ATP1A1: variants seen among roughly 807,000 people sequenced by gnomAD.
ATP1A1 encodes sodium/potassium-transporting ATPase subunit alpha-1.
A neutral mutation model predicts 114.8 loss-of-function variants in ATP1A1; 14 were observed. The ratio of observed to expected loss-of-function variants is 0.12; its 90% confidence interval spans 0.08 to 0.19. The LOEUF is 0.19. ATP1A1 is among the 10% of genes least tolerant of loss of function. ATP1A1 has a pLI of 1.00. For missense variants in ATP1A1, 524 were observed against 1,290.7 expected (o/e 0.41, Z 9.10); for synonymous variants, 471 against 466.3 (o/e 1.01, Z -0.13).
In ATP1A1 at chr1:116,393,612, C is replaced by T. The variant is rs574791429; in HGVS notation, c.1549C>T (p.Arg517Cys). Residue 517 changes from arginine (R) to cysteine (C), a missense_variant, in exon 12 of 23, where the codon CGT becomes TGT. Arg to Cys is a radical substitution (Grantham distance 180). Transcript: ENST00000295598. The surrounding 1 kb of genome is among the most constrained non-coding windows in gnomAD (Gnocchi z 5.0). Reference sequence around the variant, plus strand: ...GGGCGCCCCAGAAAGGATCCTAGACCGTTGCAGCTCTATCCTCCTCCACGG... The same window carrying T: ...GGGCGCCCCAGAAAGGATCCTAGACTGTTGCAGCTCTATCCTCCTCCACGG... The part of the protein sequence containing the change: ...MKGAPERILD[R>C]CSSILLHGKE... 16 of 1,614,060 alleles carry T rather than the reference C, an allele frequency of 9.9e-6. No individual in the cohort carries two copies. The highest frequency in any genetic ancestry group is 1.6e-4 in the Middle Eastern group (1 of 6,084).
In ATP1A1 at chr1:116,403,868, C is replaced by T. The variant is rs368714905; in HGVS notation, c.2952-16C>T. The T allele has an allele frequency of 1.9e-6, 3 of 1,602,796 alleles. No individual in the cohort carries two copies. Among genetic ancestry groups the T allele is most frequent in the African/African-American group, 1.3e-5 (1 of 74,486 alleles). On this transcript the variant is annotated splice_polypyrimidine_tract_variant and intron_variant, in intron 21 of 22. Coordinates refer to ENST00000295598, the MANE Select transcript of ATP1A1 (RefSeq NM_000701.8). ...TGTTCGTGTGCATATAAATTGGTAC[C>T]TTACTCTATTTCCAGACCTACCTGG...
Position 116,397,134 on chromosome 1 carries a change from A to G in ATP1A1, c.1973+400A>G, listed in dbSNP as rs1007797423. On this transcript the variant is annotated intron_variant, in intron 14 of 22. Coordinates refer to ENST00000295598, the MANE Select transcript of ATP1A1 (RefSeq NM_000701.8). This position sits in a 1 kb window ranked among gnomAD's most constrained non-coding sequence, Gnocchi z 4.2. ...TCTTGACACTTTCCAGGTCCACACT[A>G]ACAAAATAAAATAAGGAAGGGACAA... Among the ~76,000 whole-genome samples the G allele has an allele frequency of 7.9e-5, 12 of 152,180 alleles. No individual in the cohort carries two copies.
chr1:116,394,795 T>C (rs1199418465), intron 12 of ATP1A1, among the ~76,000 whole-genome samples: 1 of 152,152 alleles, frequency 6.6e-6, no homozygotes, highest in East Asian at 1.9e-4. Context: ...TCATCATCAG[T>C]GGGCAAGTCT....
In ATP1A1 at chr1:116,404,341, C is replaced by T. The variant is rs1653789329; in HGVS notation, c.3044-75C>T. ...CATCATCCTCCGGTTGGTTTTCATCCCTGTTTCCCTCTGTAATGCTGGAGC... is the reference window on the plus strand; with the variant it reads ...CATCATCCTCCGGTTGGTTTTCATCTCTGTTTCCCTCTGTAATGCTGGAGC... On this transcript the variant is annotated intron_variant, in intron 22 of 22. Coordinates refer to ENST00000295598, the MANE Select transcript of ATP1A1 (RefSeq NM_000701.8). The surrounding 1 kb of genome is among the most constrained non-coding windows in gnomAD (Gnocchi z 4.8). 3.8e-6 allele frequency: 6 copies of T among 1,595,746 alleles called. No individual in the cohort carries two copies. Among genetic ancestry groups the T allele is most frequent in the Non-Finnish European group, 5.1e-6 (6 of 1,165,418 alleles).
chr1:116,376,561 T>G (rs1457630055), intron 1 of ATP1A1, among the ~76,000 whole-genome samples: 3 of 152,210 alleles, frequency 2.0e-5, no homozygotes, highest in African/African-American at 7.2e-5. Flanking sequence ...GTTCAGCGTG[T>G]AACAGTTCCC....
At position 116,399,069 on chromosome 1, in the gene ATP1A1, C is replaced by T; in HGVS notation, c.2433C>T (p.Asp811=). 4 of 1,614,176 alleles carry T rather than the reference C, an allele frequency of 2.5e-6. No individual in the cohort carries two copies. Among genetic ancestry groups the T allele is most frequent in the Non-Finnish European group, 3.4e-6 (4 of 1,180,038 alleles). ...PLGTVTILCI[D]LGTDMVPAIS... The stretch of plus-strand genomic sequence containing the variant: ...GGACTGTCACCATCCTCTGCATTGA[C>T]TTGGGCACTGACATGGTGAGTGTCA... Residue 811 remains aspartate (D), a synonymous_variant, in exon 17 of 23, where the codon GAC becomes GAT. Transcript: ENST00000295598. This position sits in a 1 kb window ranked among gnomAD's most constrained non-coding sequence, Gnocchi z 5.0.
intron 21 of ATP1A1, chr1:116,402,183 C>T (rs1481515143): frequency 6.5e-6 from 1 of 153,174 alleles, no homozygotes; most frequent in African/African-American, 2.4e-5. Context: ...TACTGCTAGT[C>T]TTTGGCCTTA....
chr1:116,397,997 C>T lies in ATP1A1; in HGVS notation c.2083C>T (p.Pro695Ser), dbSNP rs1653081625. The T allele has an allele frequency of 6.2e-7, 1 of 1,613,942 alleles. No individual in the cohort carries two copies. The highest frequency in any genetic ancestry group is 1.3e-5 in the African/African-American group (1 of 74,862). The change falls in exon 15 of 23, where the codon CCT (proline) becomes TCT (serine). Residue 695 changes from proline (P) to serine (S), a missense_variant. By Grantham distance (74) the Pro-to-Ser change is moderately conservative. This residue lies in a region of ATP1A1 where 47 missense variants were observed against 79.8 expected (regional missense o/e 0.59). Transcript: ENST00000295598. This position sits in a 1 kb window ranked among gnomAD's most constrained non-coding sequence, Gnocchi z 4.2. Reference protein sequence around the residue: ...HTEIVFARTSPQQKLIIVEGC... With the variant: ...HTEIVFARTSSQQKLIIVEGC... ...TGAGATAGTGTTTGCCAGGACCTCC[C>T]CTCAGCAGAAGCTCATCATTGTGGA...
intron 1 of ATP1A1, among the ~76,000 whole-genome samples, chr1:116,379,019 A>G (rs1651555534): frequency 1.3e-5 from 2 of 152,264 alleles, no homozygotes; most frequent in East Asian, 1.9e-4. Flanking sequence ...AAGCAAAAAT[A>G]TATCTAAAGT....
In ATP1A1 at chr1:116,388,753, T is replaced by C; in HGVS notation, c.617T>C (p.Ile206Thr). 6.2e-7 allele frequency: 1 copy of C among 1,614,200 alleles called. No homozygotes were observed. The highest frequency in any genetic ancestry group is 8.5e-7 in the Non-Finnish European group (1 of 1,180,044). Residue 206 changes from isoleucine (I) to threonine (T), a missense_variant, in exon 6 of 23, where the codon ATA becomes ACA. Transcript: ENST00000295598. This position sits in a 1 kb window ranked among gnomAD's most constrained non-coding sequence, Gnocchi z 5.6. ...CGAATTCCTGCTGACCTCAGAATCA[T>C]ATCTGCAAATGGCTGCAAGGTAGCT... is the stretch of plus-strand genomic sequence containing the variant. ...GDRIPADLRI[I>T]SANGCKVDNS... is the part of the protein sequence containing the mutation.
chr1:116,399,107 A>G lies in ATP1A1; in HGVS notation c.2448+23A>G, dbSNP rs1653205551. 1.9e-6 allele frequency: 3 copies of G among 1,613,890 alleles called. 1 individual carries two copies. In the South Asian group the frequency reaches 3.3e-5, roughly 18 times the overall value. On this transcript the variant is annotated intron_variant, in intron 17 of 22. Transcript: ENST00000295598. This position sits in a 1 kb window ranked among gnomAD's most constrained non-coding sequence, Gnocchi z 5.0. The stretch of plus-strand genomic sequence containing the variant: ...ATGGTGAGTGTCACAACAGTCACAG[A>G]TCGATAGTAGTGAGGTGTGAGCTGT...
intron 13 of ATP1A1, 49 bp from the exon 14 acceptor site, chr1:116,396,548 AG>A (rs757580078): frequency 1.2e-6 from 2 of 1,606,618 alleles, no homozygotes; most frequent in Middle Eastern, 1.7e-4. Flanking sequence ...TAAGACTTTA[AG>A]GTCATTTACT....
rs1653449695 is a variant in ATP1A1, at chr1:116,401,237, T to C, written c.2826T>C (p.Asn942=). 6.2e-7 allele frequency: 1 copy of C among 1,614,082 alleles called. No individual in the cohort carries two copies. Among genetic ancestry groups the C allele is most frequent in the Admixed American group, 1.7e-5 (1 of 60,010 alleles). Residue 942 remains asparagine, a synonymous_variant, in exon 20 of 23, where the codon AAT becomes AAC. Coordinates refer to ENST00000295598, the MANE Select transcript of ATP1A1 (RefSeq NM_000701.8). The surrounding 1 kb of genome is among the most constrained non-coding windows in gnomAD (Gnocchi z 4.7). ...TGGTCATCTGTAAGACCAGGAGGAA[T>C]TCGGTCTTCCAGCAGGGGATGAAGT... ...ADLVICKTRR[N]SVFQQGMKNK...
At chr1:116,386,876 T>C (rs945619462) in intron 3 of ATP1A1, among the ~76,000 whole-genome samples, 3 of 152,166 alleles carry the variant, frequency 2.0e-5, no homozygotes, top group Admixed American at 6.5e-5. Context: ...GGGTTTTTTT[T>C]CCCCTCCCGA....
At position 116,384,632 on chromosome 1, in the gene ATP1A1, C is replaced by T. The variant is rs371664897; in HGVS notation, c.124-151C>T. Reference sequence around the variant, plus strand: ...ACTGTGTGGTTGCAAAGCCACAAAGCGATGGTGAAAATTGTACCAACTTAT... The same window carrying T: ...ACTGTGTGGTTGCAAAGCCACAAAGTGATGGTGAAAATTGTACCAACTTAT... On this transcript the variant is annotated intron_variant, in intron 2 of 22. Coordinates refer to ENST00000295598, the MANE Select transcript of ATP1A1 (RefSeq NM_000701.8). This position sits in a 1 kb window ranked among gnomAD's most constrained non-coding sequence, Gnocchi z 5.1. 4.3e-5 allele frequency: 28 copies of T among 647,222 alleles called. No homozygotes were observed. Among genetic ancestry groups the T allele is most frequent in the East Asian group, 4.3e-4 (14 of 32,768 alleles). The allele number at this position is 647,222 out of a possible 1,614,324, so 40.1% of individuals were successfully genotyped here. A position where few individuals can be genotyped will look rare whatever the true frequency, so the allele number is the denominator to read the frequency against.
Position 116,385,922 on chromosome 1 carries a change from T to A in ATP1A1, c.183+1080T>A, listed in dbSNP as rs1652045136. 1 of 151,138 alleles carries A rather than the reference T, an allele frequency of 6.6e-6. No individual in the cohort carries two copies. The highest frequency in any genetic ancestry group is 1.5e-5 in the Non-Finnish European group (1 of 67,928). 9.4% of individuals were successfully genotyped at this position (151,138 alleles called of 1,614,324 possible). A position where few individuals can be genotyped will look rare whatever the true frequency, so the allele number is the denominator to read the frequency against. Reference sequence around the variant, plus strand: ...CTGGTGGATCACCTGAGGTCAGGAGTTCGACACCAGCCTGACCAACATGGA... The same window carrying A: ...CTGGTGGATCACCTGAGGTCAGGAGATCGACACCAGCCTGACCAACATGGA... On this transcript the variant is annotated intron_variant, in intron 3 of 22. Coordinates refer to ENST00000295598, the MANE Select transcript of ATP1A1 (RefSeq NM_000701.8). The surrounding 1 kb of genome is among the most constrained non-coding windows in gnomAD (Gnocchi z 4.3).
chr1:116,391,595 GTAT>G, intron 10 of ATP1A1, among the ~76,000 whole-genome samples: 1 of 152,204 alleles, frequency 6.6e-6, no homozygotes, highest in Non-Finnish European at 1.5e-5. Flanking sequence ...GTAGTTGTGG[GTAT>G]AAACTAAGTT....
At chr1:116,402,784 C>T (rs1653609581) in intron 21 of ATP1A1, among the ~76,000 whole-genome samples, 1 of 152,232 alleles carries the variant, frequency 6.6e-6, no homozygotes. Flanking sequence ...TGGAGCTTGT[C>T]CCTCCAGGGC....
Position 116,388,538 on chromosome 1 carries a change from A to T in ATP1A1, c.502-100A>T. The T allele has an allele frequency of 7.0e-7, 1 of 1,436,174 alleles. No homozygotes were observed. Among genetic ancestry groups the T allele is most frequent in the Non-Finnish European group, 9.4e-7 (1 of 1,058,756 alleles). The allele number at this position is 1,436,174 out of a possible 1,614,324, so 89.0% of individuals were successfully genotyped here. On this transcript the variant is annotated intron_variant, in intron 5 of 22. Coordinates refer to ENST00000295598, the MANE Select transcript of ATP1A1 (RefSeq NM_000701.8). This position sits in a 1 kb window ranked among gnomAD's most constrained non-coding sequence, Gnocchi z 5.6. ...AAAGTGAATAATATCTTTGTTTTGT[A>T]TTCAGGTAATTAGGATTATGACTAT... is the stretch of plus-strand genomic sequence containing the variant.
Sources: gnomAD v4.1 joint callset for allele counts (sites outside exome capture counted in the v4.1 genomes callset) on GRCh38, gnomAD v4.1.1 for gene constraint, gnomAD v4.1.1 regional missense constraint, Gnocchi (gnomAD v3.1) non-coding constraint, MANE v1.5 for transcripts, NCBI Gene and HGNC (gene_info 2026-07-23, HGNC 2026-07-21) for gene names.